Variants in GLB1 observed in about 807,000 individuals in gnomAD.
The protein encoded by GLB1 is galactosidase beta 1.
A neutral mutation model predicts 74.0 loss-of-function variants in GLB1; 56 were observed. The ratio of observed to expected loss-of-function variants is 0.76; its 90% CI spans 0.61 to 0.94. GLB1 has a LOEUF of 0.94. GLB1 is among the 40% of genes least tolerant of loss of function. The pLI is 0.00. For synonymous variants in GLB1, 323 were observed against 323.6 expected, an observed-to-expected ratio of 1.00 and a Z score of 0.02; for missense variants, 787 against 845.5, an observed-to-expected ratio of 0.93 and a Z score of 0.86.
At chr3:33,073,738 G>A (rs930702272) in intron 1 of GLB1, among the ~76,000 whole-genome samples, 11 of 151,916 alleles carry the variant, frequency 7.2e-5, no homozygotes, top group African/African-American at 2.2e-4. Flanking sequence ...AGCAGGCACC[G>A]TTGCTTATGC....
Position 33,083,397 on chromosome 3 carries a change from CAAAAAA to C in GLB1, c.76-10690_76-10685del, listed in dbSNP as rs60737086. 2.9e-5 allele frequency among the ~76,000 whole-genome samples: 3 copies of C among 104,184 alleles called. No individual in the cohort carries two copies. The East Asian group carries it at 7.7e-4, about 27-fold the overall frequency. 68.3% of individuals were successfully genotyped at this position (104,184 alleles called of 152,430 possible). ...GGGCAACAAGACTGAAACTCTGTCT[CAAAAAA>C]AAAAAAAAAAAAAAGTGGGAATAGG... On this transcript the variant is annotated intron_variant, in intron 1 of 15. Transcript: ENST00000307363.
intron 1 of GLB1, chr3:33,092,963 A>G: frequency 6.2e-7 from 1 of 1,614,226 alleles, no homozygotes; most frequent in East Asian, 2.2e-5. Flanking sequence ...AGAGACCAGC[A>G]AAGAAGGGAT....
At chr3:32,986,493 T>C in the GLB1 span, among the ~76,000 whole-genome samples, 1 of 152,220 alleles carries the variant, frequency 6.6e-6, no homozygotes, top group African/African-American at 2.4e-5. Flanking sequence ...CTGATATTAT[T>C]GCAGCCCCAT....
In GLB1 at chr3:33,051,777, G is replaced by C. The variant is rs1372453165; in HGVS notation, c.936C>G (p.Thr312=). Residue 312 remains threonine (T), a synonymous_variant, in exon 9 of 16, where the codon ACC becomes ACG. Coordinates refer to ENST00000307363, the MANE Select transcript of GLB1 (RefSeq NM_000404.4). ...SVNLYMFIGG[T]NFAYWNGANS... is the part of the protein sequence containing the mutation. Reference sequence around the variant, plus strand: ...TCTTACCATTCCAATAGGCAAAATTGGTCCCACCTATAAACATGTACCTAC... The same window carrying C: ...TCTTACCATTCCAATAGGCAAAATTCGTCCCACCTATAAACATGTACCTAC... 1.9e-6 allele frequency: 3 copies of C among 1,613,956 alleles called. No homozygotes were observed. The highest frequency in any genetic ancestry group is 1.7e-5 in the Admixed American group (1 of 59,988).
intron 10 of GLB1, 27 bp downstream of exon 10, chr3:33,046,093 C>T (rs1472217504): frequency 1.2e-6 from 2 of 1,609,726 alleles, no homozygotes; most frequent in South Asian, 2.2e-5. Flanking sequence ...CAAGATCAGC[C>T]CACCACAGCT....
chr3:32,993,907 C>A (rs1381748555), downstream of GLB1, among the ~76,000 whole-genome samples: 2 of 151,974 alleles, frequency 1.3e-5, no homozygotes, highest in Non-Finnish European at 2.9e-5. Context: ...GGGCTCAAGC[C>A]ATCCACCCAC....
chr3:33,007,047 A>G (rs943021163), intron 15 of GLB1, among the ~76,000 whole-genome samples: 4 of 152,176 alleles, frequency 2.6e-5, no homozygotes, highest in Non-Finnish European at 4.4e-5. Flanking sequence ...GTGGCTGATC[A>G]TTTAGAAGCC....
At chr3:32,986,844 G>A in the GLB1 span, among the ~76,000 whole-genome samples, 1,905 of 152,058 alleles carry the variant, frequency 0.013, 34 homozygotes, top group African/African-American at 0.042. Context: ...ACTCGCCTTC[G>A]CCTCCCAAAC....
chr3:33,002,832 T>C (rs1279018183), intron 15 of GLB1, among the ~76,000 whole-genome samples: 1 of 152,072 alleles, frequency 6.6e-6, no homozygotes, highest in Non-Finnish European at 1.5e-5. Context: ...ATTTAGACAC[T>C]TGCAGGACTT....
At chr3:33,018,706 A>T (rs1697346541) in intron 12 of GLB1, 145 bp from the exon 13 acceptor site, 2 of 853,370 alleles carry the variant, frequency 2.3e-6, no homozygotes, top group Non-Finnish European at 3.7e-6. Flanking sequence ...ATTAAATTTG[A>T]AAAAGGAAAC....
chr3:33,075,628 T>C (rs1319289429), intron 1 of GLB1, among the ~76,000 whole-genome samples: 3 of 152,070 alleles, frequency 2.0e-5, no homozygotes, highest in East Asian at 1.9e-4. Flanking sequence ...AAGTAAGGGT[T>C]AGAGCAGAAT....
intron 10 of GLB1, among the ~76,000 whole-genome samples, chr3:33,043,795 A>T (rs1698616923): frequency 6.6e-6 from 1 of 151,608 alleles, no homozygotes; most frequent in African/African-American, 2.4e-5. Context: ...AAAAATACCA[A>T]GCAAAAGTAT....
chr3:33,049,742 T>A (rs774226174), intron 9 of GLB1, among the ~76,000 whole-genome samples: 1 of 152,168 alleles, frequency 6.6e-6, no homozygotes, highest in Admixed American at 6.5e-5. Context: ...AAGCCCTGCA[T>A]GCATTAGCTA....
At chr3:33,024,734 C>T (rs1697659958) in intron 10 of GLB1, among the ~76,000 whole-genome samples, 1 of 152,204 alleles carries the variant, frequency 6.6e-6, no homozygotes, top group African/African-American at 2.4e-5. Context: ...GTTAAATTTA[C>T]TGTGGTTACA....
intron 10 of GLB1, among the ~76,000 whole-genome samples, chr3:33,029,093 GAT>G (rs980049308): frequency 2.4e-4 from 37 of 151,938 alleles, no homozygotes; most frequent in African/African-American, 8.7e-4. Flanking sequence ...TTTTAATATT[GAT>G]GATTTTCATT....
chr3:33,007,258 C>T (rs1462696389), intron 15 of GLB1, among the ~76,000 whole-genome samples: 1 of 152,196 alleles, frequency 6.6e-6, no homozygotes, highest in Non-Finnish European at 1.5e-5. Context: ...TACAATTCAG[C>T]AGTCTTTAGT....
At chr3:33,069,617 A>C (rs1699819632) in intron 2 of GLB1, among the ~76,000 whole-genome samples, 1 of 152,198 alleles carries the variant, frequency 6.6e-6, no homozygotes, top group Non-Finnish European at 1.5e-5. Context: ...GAAACAAATG[A>C]TTGTCATACA....
the GLB1 span, among the ~76,000 whole-genome samples, chr3:32,968,458 A>C: frequency 2.6e-5 from 4 of 152,134 alleles, no homozygotes; most frequent in Non-Finnish European, 4.4e-5. Flanking sequence ...AAAAAGCTCA[A>C]ATCTGCTCTA....
At chr3:32,974,896 C>T in the GLB1 span, among the ~76,000 whole-genome samples, 1 of 152,178 alleles carries the variant, frequency 6.6e-6, no homozygotes, top group African/African-American at 2.4e-5. Context: ...CAGATACACA[C>T]ACACAGATAC....
Sources: allele counts gnomAD v4.1 joint callset (sites outside exome capture counted in the v4.1 genomes callset), GRCh38; gene constraint gnomAD v4.1.1; transcripts MANE v1.5; gene names NCBI Gene and HGNC (gene_info 2026-07-23, HGNC 2026-07-21).